SCLY: variants seen among roughly 807,000 people sequenced by gnomAD.
SCLY encodes the protein selenocysteine lyase.
Under a neutral mutation model 50.1 loss-of-function variants are expected in SCLY, and 38 were observed. The observed-to-expected ratio is 0.76, with a 90% confidence interval of 0.59 to 0.99. The LOEUF is 0.99. Ranked by LOEUF, SCLY falls within the 50% of genes least tolerant of loss-of-function variation. The pLI is 0.00. For synonymous variants in SCLY, 243 were observed against 249.4 expected, an observed-to-expected ratio of 0.97 and a Z score of 0.24; for missense variants, 600 against 620.0, an observed-to-expected ratio of 0.97 and a Z score of 0.34.
chr2:238,096,902 C>T lies in SCLY; in HGVS notation c.1184+26C>T, dbSNP rs77220297. 8.0e-4 allele frequency: 1,273 copies of T among 1,589,942 alleles called. 4 individuals carry two copies. The African/African-American group carries it at 0.011, about 14-fold the overall frequency. On this transcript the variant is annotated intron_variant, in intron 11 of 11. Transcript: ENST00000254663. The stretch of plus-strand genomic sequence containing the variant: ...GTAAGTGCTCTTCACAAACCCAGTC[C>T]AGGGCATAGGGGTCCTCCGGGCACT...
At chr2:238,075,100 G>T (rs1576666126) in intron 4 of SCLY, among the ~76,000 whole-genome samples, 1 of 152,110 alleles carries the variant, frequency 6.6e-6, no homozygotes, top group Admixed American at 6.5e-5. Flanking sequence ...TGCTTGGTTT[G>T]TTGGGTGTTT....
At chr2:238,085,010 A>G (rs1228203880) in intron 7 of SCLY, among the ~76,000 whole-genome samples, 2 of 152,186 alleles carry the variant, frequency 1.3e-5, no homozygotes, top group African/African-American at 4.8e-5. Flanking sequence ...GAAAGATTGA[A>G]TAAGATCCAG....
chr2:238,081,741 G>A lies in SCLY; in HGVS notation c.517G>A (p.Gly173Arg), dbSNP rs138848636. The change falls in exon 5 of 12, where the codon GGG (glycine) becomes AGG (arginine). Residue 173 changes from glycine (G) to arginine (R), a missense_variant. Physicochemically the swap from Gly to Arg is moderately radical, Grantham distance 125. Transcript: ENST00000254663. ...VTFVPVSKVSGQAEVDDILAA... is the reference protein window; with the variant it reads ...VTFVPVSKVSRQAEVDDILAA... ...CTTTGTCCCGGTGTCCAAGGTGAGC[G>A]GGCAGGCAGAGGTGGACGACATCCT... The A allele has an allele frequency of 8.7e-5, 140 of 1,614,214 alleles. No individual in the cohort carries two copies. The highest frequency in any genetic ancestry group is 2.0e-4 in the South Asian group (18 of 91,086).
intron 4 of SCLY, chr2:238,073,689 G>T: frequency 2.2e-6 from 1 of 460,140 alleles, no homozygotes. Context: ...ACATGGGTTT[G>T]AACTCTGTGG....
chr2:238,064,316 C>G lies in SCLY; in HGVS notation c.90-41C>G, dbSNP rs778717063. On this transcript the variant is annotated intron_variant, in intron 1 of 11. Transcript: ENST00000254663. The stretch of plus-strand genomic sequence containing the variant: ...AGCAGCCATATTTCCCATATGCCAT[C>G]TCCTTTTCCTTAATGGGTGTCTTTG... 2.1e-5 allele frequency: 28 copies of G among 1,340,042 alleles called. 1 individual carries two copies. The Admixed American group carries it at 5.4e-4, about 26-fold the overall frequency. The allele number at this position is 1,340,042 out of a possible 1,614,324, so 83.0% of individuals were successfully genotyped here. A position where few individuals can be genotyped will look rare whatever the true frequency, so the allele number is the denominator to read the frequency against.
intron 1 of SCLY, among the ~76,000 whole-genome samples, chr2:238,062,956 A>G (rs763577368): frequency 2.0e-4 from 31 of 152,206 alleles, no homozygotes; most frequent in Non-Finnish European, 3.8e-4. Context: ...TTACTTAGTG[A>G]GGGATCTTTC....
chr2:238,068,347 G>A, intron 3 of SCLY, 182 bp downstream of exon 3: 3 of 457,652 alleles, frequency 6.6e-6, no homozygotes, highest in Admixed American at 4.3e-5. Context: ...CCAGGAGTTT[G>A]CGACCTCCCT....
chr2:238,098,511 C>A lies in SCLY; in HGVS notation c.*156C>A. The A allele has an allele frequency of 1.1e-6, 1 of 885,536 alleles. No individual in the cohort carries two copies. The highest frequency in any genetic ancestry group is 1.7e-6 in the Non-Finnish European group (1 of 600,924). The allele number at this position is 885,536 out of a possible 1,614,324, so 54.9% of individuals were successfully genotyped here. ...GCCAGCGAGTGTGCACCCCCAGTTT[C>A]CTTCCCTGGACCCCTGCAGAGCTCA... On this transcript the variant is annotated 3_prime_UTR_variant, in exon 12 of 12. Coordinates refer to ENST00000254663, the MANE Select transcript of SCLY (RefSeq NM_016510.7).
In SCLY at chr2:238,094,809, G is replaced by A. The variant is rs112585031; in HGVS notation, c.1108+287G>A. 2.5e-3 allele frequency: 997 copies of A among 403,364 alleles called. 14 individuals carry two copies. Among genetic ancestry groups the A allele is most frequent in the African/African-American group, 0.018 (890 of 48,884 alleles). The allele number at this position is 403,364 out of a possible 1,614,324, so 25.0% of individuals were successfully genotyped here. A position where few individuals can be genotyped will look rare whatever the true frequency, so the allele number is the denominator to read the frequency against. On this transcript the variant is annotated intron_variant, in intron 10 of 11. Coordinates refer to ENST00000254663, the MANE Select transcript of SCLY (RefSeq NM_016510.7). ...TGGCATTAGCGCCACCCCAAAAGCCGTCAGGGAAGGAAGCAACATTAAATT... is the reference window on the plus strand; with the variant it reads ...TGGCATTAGCGCCACCCCAAAAGCCATCAGGGAAGGAAGCAACATTAAATT...
chr2:238,099,209 T>A lies in SCLY; in HGVS notation c.*854T>A, dbSNP rs1054641. On this transcript the variant is annotated 3_prime_UTR_variant, in exon 12 of 12. Coordinates refer to ENST00000254663, the MANE Select transcript of SCLY (RefSeq NM_016510.7). Reference sequence around the variant, plus strand: ...AATCGGATCATCCCTGACTCAGCTTTTACCTTAATTTTATTTGCAGAGGAT... The same window carrying A: ...AATCGGATCATCCCTGACTCAGCTTATACCTTAATTTTATTTGCAGAGGAT... 227,438 of 470,674 alleles carry A rather than the reference T, an allele frequency of 0.48. 59,277 individuals are homozygous for A. The highest frequency in any genetic ancestry group is 0.57 in the Non-Finnish European group (129,445 of 226,772). The allele number at this position is 470,674 out of a possible 1,614,324, so 29.2% of individuals were successfully genotyped here. A position where few individuals can be genotyped will look rare whatever the true frequency, so the allele number is the denominator to read the frequency against.
At chr2:238,072,766 T>G (rs2065139571) in intron 4 of SCLY, among the ~76,000 whole-genome samples, 1 of 152,362 alleles carries the variant, frequency 6.6e-6, no homozygotes. Flanking sequence ...GTTCTTTATA[T>G]ATGCTTGATA....
intron 7 of SCLY, among the ~76,000 whole-genome samples, chr2:238,084,093 G>C (rs76065917): frequency 0.014 from 2,152 of 152,322 alleles, 52 homozygotes; most frequent in African/African-American, 0.048. Flanking sequence ...CTGCAAAGAT[G>C]GAGTGGGAAA....
chr2:238,098,425 C>T lies in SCLY; in HGVS notation c.*70C>T. ...AGGGCACAGGGTTGTCCCTCCAGTT[C>T]CCTCCTGAGGGCTGTGCCAGGATGA... On this transcript the variant is annotated 3_prime_UTR_variant, in exon 12 of 12. Transcript: ENST00000254663. 2.0e-6 allele frequency: 3 copies of T among 1,463,520 alleles called. No individual in the cohort carries two copies. Among genetic ancestry groups the T allele is most frequent in the Non-Finnish European group, 2.7e-6 (3 of 1,094,962 alleles). 90.7% of individuals were successfully genotyped at this position (1,463,520 alleles called of 1,614,324 possible).
intron 11 of SCLY, 70 bp from the exon 12 acceptor site, chr2:238,098,132 A>G (rs555292277): frequency 2.0e-4 from 306 of 1,556,174 alleles, no homozygotes; most frequent in Middle Eastern, 8.8e-4. Flanking sequence ...GGAGTGGTCC[A>G]GAGCAGGGGG....
chr2:238,099,216 AATTTT>A lies in SCLY; in HGVS notation c.*866_*870del, dbSNP rs1299435520. The A allele has an allele frequency of 2.1e-6, 1 of 471,044 alleles. No homozygotes were observed. The highest frequency in any genetic ancestry group is 4.4e-6 in the Non-Finnish European group (1 of 227,018). 29.2% of individuals were successfully genotyped at this position (471,044 alleles called of 1,614,324 possible). A position where few individuals can be genotyped will look rare whatever the true frequency, so the allele number is the denominator to read the frequency against. Reference sequence around the variant, plus strand: ...TCATCCCTGACTCAGCTTTTACCTTAATTTTATTTGCAGAGGATTCTTTTCTCAAA... The same window carrying A: ...TCATCCCTGACTCAGCTTTTACCTTAATTTGCAGAGGATTCTTTTCTCAAA... On this transcript the variant is annotated 3_prime_UTR_variant, in exon 12 of 12. Coordinates refer to ENST00000254663, the MANE Select transcript of SCLY (RefSeq NM_016510.7).
chr2:238,068,189 A>G (rs746420248), intron 3 of SCLY, 24 bp downstream of exon 3: 24 of 1,424,734 alleles, frequency 1.7e-5, no homozygotes, highest in Non-Finnish European at 2.1e-5. Flanking sequence ...ACACACTCAC[A>G]TTCTGTTAAC....
rs2065108903 is a variant in SCLY, at chr2:238,069,673, C to T, written c.484+196C>T. 4.1e-6 allele frequency: 2 copies of T among 485,898 alleles called. No individual in the cohort carries two copies. Among genetic ancestry groups the T allele is most frequent in the East Asian group, 7.1e-5 (2 of 28,338 alleles). 30.1% of individuals were successfully genotyped at this position (485,898 alleles called of 1,614,324 possible). On this transcript the variant is annotated intron_variant, in intron 4 of 11. Transcript: ENST00000254663. The surrounding 1 kb of genome is among the most constrained non-coding windows in gnomAD (Gnocchi z 5.0). ...AGTTGCCCCTCACTGCACTGGGCTCCCTGGCTGCCCCTCTCGGTGCAGAGG... is the reference window on the plus strand; with the variant it reads ...AGTTGCCCCTCACTGCACTGGGCTCTCTGGCTGCCCCTCTCGGTGCAGAGG...
At chr2:238,093,379 C>G (rs1031024092) in intron 8 of SCLY, 3 of 184,350 alleles carry the variant, frequency 1.6e-5, no homozygotes, top group African/African-American at 7.0e-5. Context: ...GCCTTCACCC[C>G]CTCCACACTC....
Position 238,097,112 on chromosome 2 carries a change from C to T in SCLY, c.1184+236C>T, listed in dbSNP as rs186964521. On this transcript the variant is annotated intron_variant, in intron 11 of 11. Coordinates refer to ENST00000254663, the MANE Select transcript of SCLY (RefSeq NM_016510.7). ...GGCTTCTCGTGCTCAGTTCTGAAGG[C>T]GGAGGGAGGGCAGGGCCTGGAGGGC... is the stretch of plus-strand genomic sequence containing the variant. Among the ~76,000 whole-genome samples, 286 of 130,820 alleles carry T rather than the reference C, an allele frequency of 2.2e-3. 2 individuals carry two copies. The highest frequency in any genetic ancestry group is 7.8e-3 in the African/African-American group (270 of 34,450). The allele number at this position is 130,820 out of a possible 152,430, so 85.8% of individuals were successfully genotyped here. A position where few individuals can be genotyped will look rare whatever the true frequency, so the allele number is the denominator to read the frequency against.
Sources: allele counts gnomAD v4.1 joint callset (sites outside exome capture counted in the v4.1 genomes callset), GRCh38; gene constraint gnomAD v4.1.1; non-coding constraint Gnocchi (gnomAD v3.1); transcripts MANE v1.5; gene names NCBI Gene and HGNC (gene_info 2026-07-23, HGNC 2026-07-21).